The following CSMD3 variants were observed in gnomAD, a reference collection of about 807,000 sequenced individuals.
CSMD3 encodes CUB and Sushi multiple domains 3.
CSMD3 carries 177 observed loss-of-function variants against 435.2 expected under a neutral mutation model. The ratio of observed to expected loss-of-function variants is 0.41; its 90% CI spans 0.36 to 0.46. CSMD3 has a LOEUF of 0.46. Among genes scored for constraint, CSMD3 ranks in the 20% least tolerant of loss-of-function variants. CSMD3 has a pLI of 0.34. For missense variants in CSMD3, 4,265 were observed against 4,504.6 expected, an observed-to-expected ratio of 0.95 and a Z score of 1.52; for synonymous variants, 1,656 against 1,520.5, an observed-to-expected ratio of 1.09 and a Z score of -2.07.
rs35753865 is a variant in CSMD3, at chr8:112,705,023, T to C, written c.1973-14973A>G. On this transcript the variant is annotated intron_variant, in intron 13 of 70. Coordinates refer to ENST00000297405, the MANE Select transcript of CSMD3 (RefSeq NM_198123.2). Reference sequence around the variant, plus strand: ...ATGTTAAGGCTAGTCTCATCAACTTTAATGTATGATCAATTCACTTCAGTT... The same window carrying C: ...ATGTTAAGGCTAGTCTCATCAACTTCAATGTATGATCAATTCACTTCAGTT... 6.4e-3 allele frequency among the ~76,000 whole-genome samples: 975 copies of C among 152,234 alleles called. 6 individuals are homozygous for C. The highest frequency in any genetic ancestry group is 0.011 in the Non-Finnish European group (741 of 67,988).
chr8:112,785,961 A>G (rs2078527436), intron 13 of CSMD3, among the ~76,000 whole-genome samples: 2 of 152,068 alleles, frequency 1.3e-5, no homozygotes, highest in South Asian at 4.1e-4. Context: ...AAAGACCCAG[A>G]ATTGCCAAAG....
rs1813387503 is a variant in CSMD3 at position 112,234,490 on chromosome 8, AG to A, written c.10628-14del. The A allele has an allele frequency of 7.2e-7, 1 of 1,386,374 alleles. No homozygotes were observed. Among genetic ancestry groups the A allele is most frequent in the African/African-American group, 1.4e-5 (1 of 70,474 alleles). The allele number at this position is 1,386,374 out of a possible 1,614,324, so 85.9% of individuals were successfully genotyped here. On this transcript the variant is annotated splice_polypyrimidine_tract_variant and intron_variant, in intron 67 of 70. Coordinates refer to ENST00000297405, the MANE Select transcript of CSMD3 (RefSeq NM_198123.2). ...CTTTTATATACCCCTGTAAAATGCA[AG>A]GACATTTTAGTCTACTTAACTTTGT...
chr8:112,295,128 A>T (rs1306953857), intron 54 of CSMD3, among the ~76,000 whole-genome samples: 12 of 152,024 alleles, frequency 7.9e-5, no homozygotes, highest in South Asian at 2.1e-4. Context: ...ATAATTTTTA[A>T]TTTTTTTCAG....
chr8:112,655,874 A>G (rs1326160204), intron 18 of CSMD3, among the ~76,000 whole-genome samples: 1 of 152,046 alleles, frequency 6.6e-6, no homozygotes, highest in Non-Finnish European at 1.5e-5. Flanking sequence ...TCAGAACTAT[A>G]CACAAATAAT....
At position 112,432,104 on chromosome 8, in the gene CSMD3, GA is replaced by G. The variant is rs957170969; in HGVS notation, c.5396-23073del. On this transcript the variant is annotated intron_variant, in intron 32 of 70. Transcript: ENST00000297405. Reference sequence around the variant, plus strand: ...GAACTAACAAATACCTCCTACAGGTGAAAAAAAAAATGAGTGAGCAAAGCAA... The same window carrying G: ...GAACTAACAAATACCTCCTACAGGTGAAAAAAAAATGAGTGAGCAAAGCAA... Among the ~76,000 whole-genome samples the G allele has an allele frequency of 1.0e-4, 15 of 147,710 alleles. No homozygotes were observed. The East Asian group carries it at 1.4e-3, about 14-fold the overall frequency.
At chr8:112,314,141 A>G (rs1377542954) in intron 48 of CSMD3, 89 bp from the exon 49 acceptor site, 5 of 1,005,756 alleles carry the variant, frequency 5.0e-6, no homozygotes, top group African/African-American at 4.9e-5. Context: ...AGTATTAAAT[A>G]TGGTTAAATT....
intron 22 of CSMD3, among the ~76,000 whole-genome samples, chr8:112,594,165 CGT>C (rs1563744695): frequency 9.3e-4 from 142 of 152,212 alleles, no homozygotes; most frequent in African/African-American, 3.2e-3. Context: ...GTGCACGCAC[CGT>C]GTGCGAGCCG....
chr8:113,194,611 G>A (rs2092629610), intron 3 of CSMD3, among the ~76,000 whole-genome samples: 1 of 151,218 alleles, frequency 6.6e-6, no homozygotes, highest in Non-Finnish European at 1.5e-5. Flanking sequence ...TTCTGATACA[G>A]AATGCTAATC....
At chr8:112,763,225 A>C (rs2077888204) in intron 13 of CSMD3, among the ~76,000 whole-genome samples, 1 of 151,644 alleles carries the variant, frequency 6.6e-6, no homozygotes, top group Non-Finnish European at 1.5e-5. Context: ...TACTTATTAA[A>C]ATGATAAAAT....
intron 36 of CSMD3, among the ~76,000 whole-genome samples, chr8:112,386,500 T>C (rs1046986183): frequency 6.7e-6 from 1 of 148,810 alleles, no homozygotes; most frequent in Non-Finnish European, 1.5e-5. Context: ...CAACCAAAGA[T>C]TTTTTTTTTC....
intron 28 of CSMD3, 88 bp downstream of exon 28, chr8:112,516,946 A>C: frequency 1.0e-6 from 1 of 971,330 alleles, no homozygotes; most frequent in East Asian, 2.5e-5. Context: ...TATAGAATCT[A>C]GTCTAGAATA....
At chr8:112,868,437 A>C (rs2130001094) in intron 10 of CSMD3, among the ~76,000 whole-genome samples, 1 of 152,332 alleles carries the variant, frequency 6.6e-6, no homozygotes, top group East Asian at 1.9e-4. Context: ...TGTATGTGCC[A>C]TACTTTTATA....
chr8:112,597,035 A>G (rs547540982), intron 22 of CSMD3, among the ~76,000 whole-genome samples: 2 of 152,200 alleles, frequency 1.3e-5, no homozygotes, highest in Non-Finnish European at 2.9e-5. Context: ...ACTGAAGGAA[A>G]TAGAGACACA....
chr8:112,797,694 T>C (rs2078860764), intron 13 of CSMD3, among the ~76,000 whole-genome samples: 1 of 152,014 alleles, frequency 6.6e-6, no homozygotes, highest in African/African-American at 2.4e-5. Flanking sequence ...AAGAGCATGG[T>C]AATTATGAAA....
chr8:113,361,648 TA>T (rs1209768997), intron 1 of CSMD3, among the ~76,000 whole-genome samples: 2 of 152,054 alleles, frequency 1.3e-5, no homozygotes, highest in East Asian at 1.9e-4. Flanking sequence ...CACATGGATT[TA>T]AAAAATAATT....
At chr8:113,101,665 G>A (rs1465539329) in intron 4 of CSMD3, among the ~76,000 whole-genome samples, 1 of 151,962 alleles carries the variant, frequency 6.6e-6, no homozygotes, top group African/African-American at 2.4e-5. Context: ...CTGTTCAAAT[G>A]TATGACTAAT....
At chr8:112,386,740 G>C (rs577207422) in intron 36 of CSMD3, among the ~76,000 whole-genome samples, 55 of 151,176 alleles carry the variant, frequency 3.6e-4, no homozygotes, top group Middle Eastern at 3.4e-3. Context: ...CTCGTGATCC[G>C]CCCGCCTCGG....
intron 3 of CSMD3, among the ~76,000 whole-genome samples, chr8:113,189,584 G>A (rs561035987): frequency 1.1e-4 from 16 of 151,776 alleles, no homozygotes; most frequent in Non-Finnish European, 1.5e-4. Context: ...AATGTATTGT[G>A]TGCTAATTGC....
At chr8:112,537,447 C>G (rs571713767) in intron 27 of CSMD3, among the ~76,000 whole-genome samples, 3 of 151,768 alleles carry the variant, frequency 2.0e-5, no homozygotes, top group African/African-American at 7.2e-5. Context: ...AAAATGAAAA[C>G]TCTCTTTTTG....
Sources: allele counts gnomAD v4.1 joint callset (sites outside exome capture counted in the v4.1 genomes callset), GRCh38; gene constraint gnomAD v4.1.1; transcripts MANE v1.5; gene names NCBI Gene and HGNC (gene_info 2026-07-23, HGNC 2026-07-21).